The following DNAH5 variants were observed in gnomAD, a reference collection of about 807,000 sequenced individuals.
DNAH5 encodes the protein axonemal beta dynein heavy chain 5.
Under a neutral mutation model 518.2 loss-of-function variants are expected in DNAH5, and 372 were observed. That is an observed-to-expected ratio of 0.72 (90% CI 0.66 to 0.78). The LOEUF is 0.78. Ranked by LOEUF, DNAH5 falls within the 30% of genes least tolerant of loss-of-function variation. The pLI is 0.00. For synonymous variants in DNAH5, 2,039 were observed against 2,025.9 expected, an observed-to-expected ratio of 1.01 and a Z score of -0.17; for missense variants, 5,523 against 5,687.0, an observed-to-expected ratio of 0.97 and a Z score of 0.93.
intron 21 of DNAH5, among the ~76,000 whole-genome samples, chr5:13,881,500 A>G (rs1771677949): frequency 6.6e-6 from 1 of 152,028 alleles, no homozygotes; most frequent in Non-Finnish European, 1.5e-5. Flanking sequence ...AGAAATCAGG[A>G]AAAAAATCAA....
At position 13,931,203 on chromosome 5, in the gene DNAH5, C is replaced by T. The variant is rs1288981295; in HGVS notation, c.99G>A (p.Leu33=). The T allele has an allele frequency of 1.2e-6, 2 of 1,614,114 alleles. No individual in the cohort carries two copies. Among genetic ancestry groups the T allele is most frequent in the Non-Finnish European group, 1.7e-6 (2 of 1,179,972 alleles). The change falls in exon 2 of 79, where the codon TTG becomes TTA. Residue 33 remains leucine (L), a synonymous_variant. Transcript: ENST00000265104. ...CAAATAAGTAGTTATGCCTCGCATC[C>T]AAAAGAGCCCGCTTGGCTTCCTTCT... ...KGEKEAKRAL[L]DARHNYLFAI... is the part of the protein sequence containing the mutation.
rs1761193317 is a variant in DNAH5 at position 13,814,599 on chromosome 5, T to C, written c.7230+6A>G. ...TTAATTATACAAAAGAAGGATTCAATTATACCTCAAGAATAGGACTCCAAT... is the reference window on the plus strand; with the variant it reads ...TTAATTATACAAAAGAAGGATTCAACTATACCTCAAGAATAGGACTCCAAT... On this transcript the variant is annotated splice_donor_region_variant and intron_variant, in intron 43 of 78. Transcript: ENST00000265104. 2 of 1,613,494 alleles carry C rather than the reference T, an allele frequency of 1.2e-6. No homozygotes were observed. The highest frequency in any genetic ancestry group is 4.5e-5 in the East Asian group (2 of 44,874).
chr5:13,808,225 CAAAAA>C (rs56686032), intron 46 of DNAH5, among the ~76,000 whole-genome samples: 1 of 86,340 alleles, frequency 1.2e-5, no homozygotes, highest in Admixed American at 1.3e-4. Flanking sequence ...GACTCCATCT[CAAAAA>C]AAAAAAAAAA....
At chr5:13,946,491 A>AC (rs1326586281), upstream of DNAH5, among the ~76,000 whole-genome samples, 3 of 151,958 alleles carry the variant, frequency 2.0e-5, no homozygotes, top group Non-Finnish European at 4.4e-5. Context: ...CAGGCCACCT[A>AC]CCCCCGCCAG....
At chr5:13,847,125 C>CTG (rs760382860) in intron 31 of DNAH5, among the ~76,000 whole-genome samples, 3 of 152,170 alleles carry the variant, frequency 2.0e-5, no homozygotes, top group Non-Finnish European at 4.4e-5. Flanking sequence ...CGGACACAGT[C>CTG]TGATTACCGC....
intron 1 of DNAH5, among the ~76,000 whole-genome samples, chr5:13,941,605 G>C (rs1372355657): frequency 6.6e-6 from 1 of 152,184 alleles, no homozygotes; most frequent in Non-Finnish European, 1.5e-5. Flanking sequence ...GGTTCTTTCT[G>C]TCTTGGCTTC....
chr5:13,718,347 T>C lies in DNAH5; in HGVS notation c.12499+535A>G, dbSNP rs10072093. ...TCAGGATTTCTGACTGAAAGTTCCATGTTCTTTTCATGACCACAAGCCCCA... is the reference window on the plus strand; with the variant it reads ...TCAGGATTTCTGACTGAAAGTTCCACGTTCTTTTCATGACCACAAGCCCCA... On this transcript the variant is annotated intron_variant, in intron 72 of 78. Coordinates refer to ENST00000265104, the MANE Select transcript of DNAH5 (RefSeq NM_001369.3). 8.8e-3 allele frequency among the ~76,000 whole-genome samples: 1,345 copies of C among 152,296 alleles called. 20 individuals are homozygous for C. The highest frequency in any genetic ancestry group is 0.031 in the African/African-American group (1,288 of 41,550).
In DNAH5 at chr5:13,740,761, T is replaced by A. The variant is rs570925470; in HGVS notation, c.11212-3266A>T. On this transcript the variant is annotated intron_variant, in intron 65 of 78. Transcript: ENST00000265104. ...AACTCACTCTCTTCCCTTATTCAAG[T>A]CTTCCTCAAATGTCACATTCTCAGT... Among the ~76,000 whole-genome samples the A allele has an allele frequency of 8.5e-5, 13 of 152,256 alleles. 1 individual carries two copies. In the East Asian group the frequency reaches 1.5e-3, roughly 18 times the overall value.
upstream of DNAH5, among the ~76,000 whole-genome samples, chr5:13,948,021 C>T (rs886743625): frequency 6.6e-6 from 1 of 152,190 alleles, no homozygotes; most frequent in Admixed American, 6.5e-5. Context: ...AGCTTGTGCA[C>T]ACCCAGCTGT....
intron 30 of DNAH5, among the ~76,000 whole-genome samples, chr5:13,855,150 T>G (rs1267961363): frequency 1.3e-5 from 2 of 152,042 alleles, no homozygotes; most frequent in East Asian, 3.9e-4. Context: ...TCACTCAATA[T>G]GAAAAGTAAA....
At position 13,735,205 on chromosome 5, in the gene DNAH5, G is replaced by C; in HGVS notation, c.11687C>G (p.Thr3896Ser). Reference sequence around the variant, plus strand: ...GTCAATCTTTAGGGTAAGCAACAAGGTGAACAGGAATTTGTGCTCCTCGTA... The same window carrying C: ...GTCAATCTTTAGGGTAAGCAACAAGCTGAACAGGAATTTGTGCTCCTCGTA... ...GLYEEHKFLF[T>S]LLLTLKIDIQ... Residue 3896 changes from threonine to serine, a missense_variant, in exon 68 of 79, where the codon ACC becomes AGC. Around this residue, in one of 3 missense-constraint regions of DNAH5, gnomAD observed 5,121 missense variants for 5,223.3 expected, o/e 0.98. Coordinates refer to ENST00000265104, the MANE Select transcript of DNAH5 (RefSeq NM_001369.3). 6.2e-7 allele frequency: 1 copy of C among 1,614,044 alleles called. No individual in the cohort carries two copies. The highest frequency in any genetic ancestry group is 8.5e-7 in the Non-Finnish European group (1 of 1,179,994).
At chr5:13,969,211 C>T (rs2119429) in intron 1 of DNAH5, among the ~76,000 whole-genome samples, 124,228 of 152,122 alleles carry the variant, frequency 0.82, 51,631 homozygotes, top group East Asian at 1. Flanking sequence ...TCTCTCTTCT[C>T]TTCTTAATTA....
intron 21 of DNAH5, among the ~76,000 whole-genome samples, 180 bp downstream of exon 21, chr5:13,882,548 C>T (rs1443839373): frequency 6.6e-6 from 1 of 152,066 alleles, no homozygotes; most frequent in Non-Finnish European, 1.5e-5. Flanking sequence ...TAACAGAAGT[C>T]AACTAAAATG....
chr5:13,752,238 A>C lies in DNAH5; in HGVS notation c.10924T>G (p.Ser3642Ala), dbSNP rs1750340127. ...TCAATAAGCAAAGGCCTTCCAAGAGAAAGGCTGTCTTCCAGGTGGTTTCTG... is the reference window on the plus strand; with the variant it reads ...TCAATAAGCAAAGGCCTTCCAAGAGCAAGGCTGTCTTCCAGGTGGTTTCTG... Reference protein sequence around the residue: ...YFRNHLEDSLSLGRPLLIEDV... With the variant: ...YFRNHLEDSLALGRPLLIEDV... Residue 3642 changes from serine to alanine, a missense_variant, in exon 64 of 79, where the codon TCT becomes GCT. Coordinates refer to ENST00000265104, the MANE Select transcript of DNAH5 (RefSeq NM_001369.3). 1 of 1,613,934 alleles carries C rather than the reference A, an allele frequency of 6.2e-7. No homozygotes were observed. Among genetic ancestry groups the C allele is most frequent in the African/African-American group, 1.3e-5 (1 of 74,930 alleles).
At chr5:13,748,719 A>C (rs1462397135) in intron 65 of DNAH5, among the ~76,000 whole-genome samples, 2 of 152,088 alleles carry the variant, frequency 1.3e-5, no homozygotes, top group East Asian at 3.8e-4. Flanking sequence ...TGATTTTTGC[A>C]CATTGCTTTT....
intron 78 of DNAH5, among the ~76,000 whole-genome samples, chr5:13,694,736 T>A (rs1280191950): frequency 6.6e-6 from 1 of 152,218 alleles, no homozygotes; most frequent in Non-Finnish European, 1.5e-5. Flanking sequence ...CGTTAAGTCA[T>A]TCCTTTATTT....
chr5:13,778,327 C>T (rs964064053), intron 53 of DNAH5, among the ~76,000 whole-genome samples: 4 of 151,510 alleles, frequency 2.6e-5, no homozygotes, highest in Admixed American at 2.0e-4. Context: ...GATCAGAAAA[C>T]AAATACTTCT....
At position 13,899,020 on chromosome 5, in the gene DNAH5, C is replaced by T. The variant is rs1390531519; in HGVS notation, c.2259+1186G>A. 4 of 156,980 alleles carry T rather than the reference C, an allele frequency of 2.5e-5. No homozygotes were observed. The Admixed American group carries it at 2.6e-4, about 10-fold the overall frequency. 9.7% of individuals were successfully genotyped at this position (156,980 alleles called of 1,614,324 possible). A position where few individuals can be genotyped will look rare whatever the true frequency, so the allele number is the denominator to read the frequency against. On this transcript the variant is annotated intron_variant, in intron 15 of 78. Coordinates refer to ENST00000265104, the MANE Select transcript of DNAH5 (RefSeq NM_001369.3). Reference sequence around the variant, plus strand: ...AATCTCAGCTCACTGCAACCTCCATCTCTAGGTTCAAGAGATTCTCCTGCC... The same window carrying T: ...AATCTCAGCTCACTGCAACCTCCATTTCTAGGTTCAAGAGATTCTCCTGCC...
intron 25 of DNAH5, 28 bp downstream of exon 25, chr5:13,867,746 A>T: frequency 6.4e-7 from 1 of 1,568,314 alleles, no homozygotes; most frequent in Non-Finnish European, 8.8e-7. Flanking sequence ...ATCCCCGAAA[A>T]CGCACACAGA....
Sources: allele counts gnomAD v4.1 joint callset (sites outside exome capture counted in the v4.1 genomes callset), GRCh38; gene constraint gnomAD v4.1.1; regional missense constraint gnomAD v4.1.1; transcripts MANE v1.5; gene names NCBI Gene and HGNC (gene_info 2026-07-23, HGNC 2026-07-21).